SAMD12: variants seen among roughly 807,000 people sequenced by gnomAD.
SAMD12 encodes the protein sterile alpha motif domain containing 12.
In SAMD12, 9 loss-of-function variants were observed where a neutral mutation model predicts 15.0. The observed-to-expected ratio is 0.60, with a 90% confidence interval of 0.36 to 1.05. The LOEUF (loss-of-function observed/expected upper bound fraction) is 1.05. Ranked by LOEUF, SAMD12 falls within the 50% of genes least tolerant of loss-of-function variation. The pLI, the probability that SAMD12 is intolerant of heterozygous loss-of-function variation, is 0.01. For synonymous variants in SAMD12, 86 were observed against 90.1 expected (o/e 0.96, Z 0.25); for missense variants, 230 against 234.2 (o/e 0.98, Z 0.12).
intron 4 of SAMD12, among the ~76,000 whole-genome samples, chr8:118,262,064 T>C (rs1013242543): frequency 2.0e-5 from 3 of 152,068 alleles, no homozygotes; most frequent in Admixed American, 6.6e-5. Context: ...GTTAAGTGAA[T>C]ACAGACAGAG....
chr8:118,256,113 G>A (rs1201034836), intron 4 of SAMD12, among the ~76,000 whole-genome samples: 1 of 152,114 alleles, frequency 6.6e-6, no homozygotes, highest in Non-Finnish European at 1.5e-5. Context: ...CAGTGATGGT[G>A]AGCATTTTTT....
At chr8:118,525,091 G>A (rs1319560089) in intron 2 of SAMD12, among the ~76,000 whole-genome samples, 1 of 152,164 alleles carries the variant, frequency 6.6e-6, no homozygotes, top group African/African-American at 2.4e-5. Context: ...CTCTGATCTT[G>A]TCTCCTATGC....
At position 118,580,746 on chromosome 8, in the gene SAMD12, TTGGGAGTTCCTTTC is replaced by T. The variant is rs756689328; in HGVS notation, c.147_160del (p.Lys50AlafsTer7). 1 of 1,613,126 alleles carries T rather than the reference TTGGGAGTTCCTTTC, an allele frequency of 6.2e-7. No individual in the cohort carries two copies. Among genetic ancestry groups the T allele is most frequent in the Non-Finnish European group, 8.5e-7 (1 of 1,179,304 alleles). On this transcript the variant is annotated frameshift_variant, in exon 2 of 4. Transcript: ENST00000314727. LOFTEE classifies it high-confidence loss of function. ...CGTCTCAGCTTCTGCCTGCAGTCGC[TTGGGAGTTCCTTTC>T]TGGTCAGGCACCTTCTGGAAATTTT...
intron 4 of SAMD12, among the ~76,000 whole-genome samples, chr8:118,238,047 T>C (rs928053054): frequency 2.6e-5 from 4 of 152,050 alleles, no homozygotes; most frequent in African/African-American, 4.8e-5. Flanking sequence ...CAAAAAGAAC[T>C]TCAGAATATT....
At chr8:118,317,748 T>C (rs1815994357) in intron 4 of SAMD12, among the ~76,000 whole-genome samples, 1 of 152,162 alleles carries the variant, frequency 6.6e-6, no homozygotes, top group Non-Finnish European at 1.5e-5. Flanking sequence ...TAGGTGTACT[T>C]TTCTGTGTTA....
intron 2 of SAMD12, among the ~76,000 whole-genome samples, chr8:118,471,405 T>C (rs1280002494): frequency 6.6e-6 from 1 of 152,176 alleles, no homozygotes; most frequent in East Asian, 1.9e-4. Context: ...GTGTACTCCA[T>C]TGCAAAAATT....
At chr8:118,580,207 A>G (rs546371039) in intron 2 of SAMD12, among the ~76,000 whole-genome samples, 79 of 152,316 alleles carry the variant, frequency 5.2e-4, no homozygotes, top group African/African-American at 1.8e-3. Context: ...AGATACATGC[A>G]TATTTAATAA....
intron 4 of SAMD12, among the ~76,000 whole-genome samples, chr8:118,241,833 G>A (rs921091486): frequency 9.9e-5 from 15 of 152,014 alleles, no homozygotes; most frequent in Non-Finnish European, 1.9e-4. Context: ...AAGAAATTCC[G>A]CAATAAATAA....
chr8:118,515,673 C>G (rs1825221943), intron 2 of SAMD12, among the ~76,000 whole-genome samples: 1 of 152,176 alleles, frequency 6.6e-6, no homozygotes, highest in Non-Finnish European at 1.5e-5. Context: ...ACCCCAGGTA[C>G]CTTCCTCACT....
chr8:118,298,870 G>A (rs1199844216), intron 4 of SAMD12, among the ~76,000 whole-genome samples: 1 of 152,156 alleles, frequency 6.6e-6, no homozygotes, highest in East Asian at 1.9e-4. Context: ...TTGAACAGTA[G>A]TTGGTATTTT....
At chr8:118,487,970 C>G (rs543052595) in intron 2 of SAMD12, among the ~76,000 whole-genome samples, 2 of 152,234 alleles carry the variant, frequency 1.3e-5, no homozygotes, top group South Asian at 4.1e-4. Context: ...ACAACAGCGA[C>G]ATATTCACTG....
At chr8:118,222,832 G>A (rs1380885162) in intron 4 of SAMD12, among the ~76,000 whole-genome samples, 2 of 152,236 alleles carry the variant, frequency 1.3e-5, no homozygotes, top group East Asian at 1.9e-4. Context: ...AGTGCACAGA[G>A]CTCTTGGTGG....
intron 4 of SAMD12, among the ~76,000 whole-genome samples, chr8:118,357,621 C>T (rs998289870): frequency 3.3e-5 from 5 of 152,132 alleles, no homozygotes; most frequent in Admixed American, 3.3e-4. Context: ...AATCATTCTA[C>T]AATCTATACA....
chr8:118,460,792 C>A (rs73313477), intron 2 of SAMD12, among the ~76,000 whole-genome samples: 8,949 of 152,152 alleles, frequency 0.059, 650 homozygotes, highest in African/African-American at 0.17. Flanking sequence ...CCCACATGCA[C>A]ACACACAGGT....
intron 4 of SAMD12, among the ~76,000 whole-genome samples, chr8:118,225,940 C>T (rs543029024): frequency 6.6e-6 from 1 of 152,208 alleles, no homozygotes; most frequent in African/African-American, 2.4e-5. Flanking sequence ...GCTTCGATCA[C>T]CTCCTCAGGC....
At chr8:118,421,010 G>T (rs1262051139) in intron 3 of SAMD12, among the ~76,000 whole-genome samples, 2 of 152,100 alleles carry the variant, frequency 1.3e-5, no homozygotes, top group African/African-American at 4.8e-5. Flanking sequence ...AAAGCCAAAT[G>T]GCTCTCCTAT....
chr8:118,258,056 C>CCCA (rs1360772020), intron 4 of SAMD12, among the ~76,000 whole-genome samples: 1 of 152,098 alleles, frequency 6.6e-6, no homozygotes, highest in African/African-American at 2.4e-5. Context: ...ATTCTATCCA[C>CCCA]CGGTGTCAGG....
In SAMD12 at chr8:118,378,351, A is replaced by G; in HGVS notation, c.*1066T>C. The G allele has an allele frequency of 1.1e-6, 1 of 917,308 alleles. No individual in the cohort carries two copies. The highest frequency in any genetic ancestry group is 1.3e-6 in the Non-Finnish European group (1 of 768,012). 56.8% of individuals were successfully genotyped at this position (917,308 alleles called of 1,614,324 possible). A position where few individuals can be genotyped will look rare whatever the true frequency, so the allele number is the denominator to read the frequency against. On this transcript the variant is annotated 3_prime_UTR_variant, in exon 4 of 4. Coordinates refer to ENST00000314727, the MANE Select transcript of SAMD12 (RefSeq NM_207506.3). ...GTATTTCTATCTACTTCTTAAAAGAAGCTTAAAAGCCTATCAGTATTTCAC... is the reference window on the plus strand; with the variant it reads ...GTATTTCTATCTACTTCTTAAAAGAGGCTTAAAAGCCTATCAGTATTTCAC...
At chr8:118,176,538 T>C in the SAMD12 span, among the ~76,000 whole-genome samples, 2 of 152,158 alleles carry the variant, frequency 1.3e-5, no homozygotes, top group African/African-American at 4.8e-5. Context: ...CTGGAGGCCA[T>C]TATCCTAAGT....
Sources: gnomAD v4.1 joint callset for allele counts (sites outside exome capture counted in the v4.1 genomes callset) on GRCh38, gnomAD v4.1.1 for gene constraint, MANE v1.5 for transcripts, NCBI Gene and HGNC (gene_info 2026-07-23, HGNC 2026-07-21) for gene names.